Variants in MANSC4 observed in about 807,000 individuals in gnomAD.
MANSC4 encodes the protein MANSC domain containing 4, also known as MANSC domain-containing protein 4.
A neutral mutation model predicts 11.4 loss-of-function variants in MANSC4; 11 were observed. The observed-to-expected ratio is 0.97, with a 90% CI of 0.61 to 1.60. The LOEUF (loss-of-function observed/expected upper bound fraction) is 1.60. MANSC4 is among the 40% of genes most tolerant of loss of function. MANSC4 has a pLI of 0.00. For missense variants in MANSC4, 354 were observed against 404.6 expected (o/e 0.88, Z 1.07); for synonymous variants, 123 against 147.1 (o/e 0.84, Z 1.19).
chr12:27,775,007 G>C (rs148614534), intron 1 of MANSC4, among the ~76,000 whole-genome samples: 6,073 of 150,434 alleles, frequency 0.04, 389 homozygotes, highest in African/African-American at 0.14. Flanking sequence ...CTGGGCGACA[G>C]AGCGAGATTC....
chr12:27,772,970 A>G (rs2062106418), intron 1 of MANSC4, among the ~76,000 whole-genome samples: 1 of 152,248 alleles, frequency 6.6e-6, no homozygotes, highest in Non-Finnish European at 1.5e-5. Context: ...TTTCAGGGAT[A>G]ATGGAACAAG....
chr12:27,778,870 A>G (rs2062130301), intron 1 of MANSC4, among the ~76,000 whole-genome samples: 1 of 152,180 alleles, frequency 6.6e-6, no homozygotes, highest in Non-Finnish European at 1.5e-5. Flanking sequence ...ATAGGAAACA[A>G]GTGGTCTCTC....
At chr12:27,778,619 G>A (rs181826030) in intron 1 of MANSC4, among the ~76,000 whole-genome samples, 408 of 151,886 alleles carry the variant, frequency 2.7e-3, no homozygotes, top group African/African-American at 9.3e-3. Flanking sequence ...TTTATCATAG[G>A]TGGTTCTCAA....
intron 2 of MANSC4, among the ~76,000 whole-genome samples, chr12:27,768,860 C>T (rs2062086634): frequency 6.6e-6 from 1 of 152,144 alleles, no homozygotes; most frequent in African/African-American, 2.4e-5. Context: ...CAACTCCTAA[C>T]CTCGAGTGAT....
intron 1 of MANSC4, among the ~76,000 whole-genome samples, 198 bp from the exon 2 acceptor site, chr12:27,771,780 T>C (rs532473327): frequency 9.2e-5 from 14 of 152,312 alleles, no homozygotes; most frequent in Non-Finnish European, 1.9e-4. Flanking sequence ...TGATTGCAGA[T>C]TGTTTTTTAA....
chr12:27,762,921 C>T lies in MANSC4; in HGVS notation c.840G>A (p.Val280=). The T allele has an allele frequency of 6.4e-7, 1 of 1,552,132 alleles. No individual in the cohort carries two copies. The highest frequency in any genetic ancestry group is 8.7e-7 in the Non-Finnish European group (1 of 1,147,116). The change falls in exon 4 of 4, where the codon GTG becomes GTA. Residue 280 remains valine, a synonymous_variant. Transcript: ENST00000381273. ...CAGAAACCAGCCAAGTCTTTGAAGT[C>T]ACAGATACCTCATCTTCATTTGCAG... ...HTSANEDEVS[V]TSKTWLVSVA... is the part of the protein sequence containing the mutation.
At position 27,771,377 on chromosome 12, in the gene MANSC4, A is replaced by G; in HGVS notation, c.-101T>C. The stretch of plus-strand genomic sequence containing the variant: ...CTCTGGAACGTCAGAGGTGTTGTTA[A>G]GGGAGAGCTTCCTTGCAGCTTTTCT... On this transcript the variant is annotated 5_prime_UTR_variant, in exon 2 of 4. Coordinates refer to ENST00000381273, the MANE Select transcript of MANSC4 (RefSeq NM_001146221.5). 1 of 1,011,472 alleles carries G rather than the reference A, an allele frequency of 9.9e-7. No individual in the cohort carries two copies. Among genetic ancestry groups the G allele is most frequent in the South Asian group, 1.7e-5 (1 of 58,118 alleles). 62.7% of individuals were successfully genotyped at this position (1,011,472 alleles called of 1,614,324 possible). A position where few individuals can be genotyped will look rare whatever the true frequency, so the allele number is the denominator to read the frequency against.
At chr12:27,767,601 G>T (rs909534987) in intron 2 of MANSC4, among the ~76,000 whole-genome samples, 22 of 152,074 alleles carry the variant, frequency 1.4e-4, no homozygotes, top group Non-Finnish European at 3.1e-4. Flanking sequence ...TACTCGAGAG[G>T]CTGAGGCAGG....
chr12:27,773,181 TACTA>T (rs1215571184), intron 1 of MANSC4, among the ~76,000 whole-genome samples: 12 of 152,282 alleles, frequency 7.9e-5, no homozygotes, highest in Admixed American at 5.9e-4. Flanking sequence ...GGTCTCTACT[TACTA>T]ACTAACTAAA....
intron 1 of MANSC4, among the ~76,000 whole-genome samples, chr12:27,775,825 C>T (rs1483190453): frequency 1.3e-5 from 2 of 150,654 alleles, no homozygotes; most frequent in African/African-American, 2.4e-5. Context: ...CGTGGTGGCT[C>T]ACGCCTGTAA....
Position 27,774,673 on chromosome 12 carries a change from T to C in MANSC4, c.-306-3091A>G, listed in dbSNP as rs984382659. ...CCTCATTCTATAAAATCCAATAAAC[T>C]GAGCAGAGGAGGTGGCTTTGTTGAT... On this transcript the variant is annotated intron_variant, in intron 1 of 3. Coordinates refer to ENST00000381273, the MANE Select transcript of MANSC4 (RefSeq NM_001146221.5). Among the ~76,000 whole-genome samples, 102 of 152,334 alleles carry C rather than the reference T, an allele frequency of 6.7e-4. 2 individuals are homozygous for C. The highest frequency in any genetic ancestry group is 2.2e-4 in the African/African-American group (9 of 41,582).
chr12:27,779,012 G>A (rs1458873150), intron 1 of MANSC4, among the ~76,000 whole-genome samples: 1 of 152,228 alleles, frequency 6.6e-6, no homozygotes, highest in African/African-American at 2.4e-5. Context: ...GGGATCACAG[G>A]CGCGTGCCAC....
Position 27,778,880 on chromosome 12 carries a change from CT to C in MANSC4, c.-307+1329del, listed in dbSNP as rs1194944438. On this transcript the variant is annotated intron_variant, in intron 1 of 3. Transcript: ENST00000381273. ...AGAACATAGGAAACAAGTGGTCTCT[CT>C]TTTCCGAGACGGCGTCTCGCTCTGT... Among the ~76,000 whole-genome samples the C allele has an allele frequency of 6.6e-5, 10 of 152,312 alleles. No individual in the cohort carries two copies. The East Asian group carries it at 1.4e-3, about 21-fold the overall frequency.
At chr12:27,776,058 C>G (rs1279006391) in intron 1 of MANSC4, among the ~76,000 whole-genome samples, 4 of 148,804 alleles carry the variant, frequency 2.7e-5, no homozygotes, top group Non-Finnish European at 5.9e-5. Flanking sequence ...CCACTGCACT[C>G]CAGCCTGGGC....
At chr12:27,770,326 G>A (rs1161011443) in intron 2 of MANSC4, among the ~76,000 whole-genome samples, 3 of 151,994 alleles carry the variant, frequency 2.0e-5, no homozygotes, top group African/African-American at 4.8e-5. Context: ...GATTACAGGC[G>A]CCTGCCACCA....
At chr12:27,763,499 C>T (rs1012438247) in intron 3 of MANSC4, 103 bp from the exon 4 acceptor site, 9 of 1,054,396 alleles carry the variant, frequency 8.5e-6, no homozygotes, top group Middle Eastern at 2.2e-4. Context: ...TATGAGTTAT[C>T]GAACGAAGCT....
intron 3 of MANSC4, among the ~76,000 whole-genome samples, chr12:27,764,699 C>T (rs920357450): frequency 5.3e-5 from 8 of 152,144 alleles, no homozygotes; most frequent in African/African-American, 1.9e-4. Context: ...GCTCTGATCT[C>T]ATTTATCCAG....
chr12:27,766,783 A>G lies in MANSC4; in HGVS notation c.246T>C (p.Ala82=). Reference sequence around the variant, plus strand: ...CATGAATAGGACTGTGGTAGAAGACAGCCAGGTTACAGGAAACTGAAAGGG... The same window carrying G: ...CATGAATAGGACTGTGGTAGAAGACGGCCAGGTTACAGGAAACTGAAAGGG... ...CLRKDVSCNL[A]VFYHSPIHDN... is the part of the protein sequence containing the mutation. The change falls in exon 3 of 4, where the codon GCT becomes GCC. Residue 82 remains alanine, a synonymous_variant. Transcript: ENST00000381273. 6.4e-7 allele frequency: 1 copy of G among 1,551,500 alleles called. No individual in the cohort carries two copies. The highest frequency in any genetic ancestry group is 8.7e-7 in the Non-Finnish European group (1 of 1,146,936).
intron 3 of MANSC4, among the ~76,000 whole-genome samples, chr12:27,763,625 C>T (rs933108211): frequency 3.3e-5 from 5 of 151,938 alleles, no homozygotes; most frequent in Non-Finnish European, 4.4e-5. Flanking sequence ...TTTGACTACA[C>T]CCAAGGAGAA....
Sources: gnomAD v4.1 joint callset for allele counts (sites outside exome capture counted in the v4.1 genomes callset) on GRCh38, gnomAD v4.1.1 for gene constraint, MANE v1.5 for transcripts, NCBI Gene and HGNC (gene_info 2026-07-23, HGNC 2026-07-21) for gene names.